Variants in STXBP5L observed in about 807,000 individuals in gnomAD.
STXBP5L encodes the protein syntaxin-binding protein 5-like.
Under a neutral mutation model 144.5 loss-of-function variants are expected in STXBP5L, and 65 were observed. That is an observed-to-expected ratio of 0.45 (90% CI 0.37 to 0.55). The LOEUF (loss-of-function observed/expected upper bound fraction) is 0.55. Among genes scored for constraint, STXBP5L ranks in the 20% least tolerant of loss-of-function variants. The pLI, the probability that STXBP5L is intolerant of heterozygous loss-of-function variation, is 0.00. For synonymous variants in STXBP5L, 505 were observed against 469.6 expected (o/e 1.08, Z -0.97); for missense variants, 1,298 against 1,405.5 (o/e 0.92, Z 1.22).
chr3:121,191,667 A>C (rs1577169014), intron 9 of STXBP5L, among the ~76,000 whole-genome samples: 1 of 152,134 alleles, frequency 6.6e-6, no homozygotes, highest in African/African-American at 2.4e-5. Flanking sequence ...GTGAGCATGG[A>C]ATGTTCTTCC....
chr3:121,291,785 A>T (rs188622205), intron 19 of STXBP5L, among the ~76,000 whole-genome samples: 1 of 152,228 alleles, frequency 6.6e-6, no homozygotes, highest in Non-Finnish European at 1.5e-5. Context: ...AACAAAGCGA[A>T]CAATAATATA....
At chr3:121,333,237 C>T (rs1235215477) in intron 20 of STXBP5L, among the ~76,000 whole-genome samples, 1 of 152,072 alleles carries the variant, frequency 6.6e-6, no homozygotes. Flanking sequence ...CACATCTCAA[C>T]AGTAATGTTA....
chr3:121,084,925 T>G (rs1196710302), intron 5 of STXBP5L, among the ~76,000 whole-genome samples: 2 of 152,200 alleles, frequency 1.3e-5, no homozygotes. Flanking sequence ...CATGAGATAG[T>G]ATCTCATTCT....
At chr3:120,928,691 A>G (rs1709768549) in intron 2 of STXBP5L, among the ~76,000 whole-genome samples, 1 of 150,378 alleles carries the variant, frequency 6.6e-6, no homozygotes, top group Non-Finnish European at 1.5e-5. Flanking sequence ...ATACAACACA[A>G]TGTGTTAAGA....
At chr3:121,108,788 G>A (rs938723872) in intron 5 of STXBP5L, among the ~76,000 whole-genome samples, 6 of 152,126 alleles carry the variant, frequency 3.9e-5, no homozygotes, top group Admixed American at 2.0e-4. Flanking sequence ...AGAATAAATG[G>A]TACCAGCTCC....
intron 2 of STXBP5L, among the ~76,000 whole-genome samples, chr3:120,925,824 G>C (rs1709594707): frequency 6.6e-6 from 1 of 152,066 alleles, no homozygotes; most frequent in South Asian, 2.1e-4. Flanking sequence ...ATTTTGCACT[G>C]TTATTGCCAT....
chr3:121,330,846 G>A (rs1577474705), intron 20 of STXBP5L, among the ~76,000 whole-genome samples: 1 of 152,148 alleles, frequency 6.6e-6, no homozygotes, highest in Non-Finnish European at 1.5e-5. Flanking sequence ...ACTACAGCTG[G>A]CATTTGAGAA....
At chr3:121,211,988 G>C (rs1325586808) in intron 10 of STXBP5L, among the ~76,000 whole-genome samples, 4 of 151,992 alleles carry the variant, frequency 2.6e-5, no homozygotes, top group African/African-American at 7.2e-5. Flanking sequence ...TTTTTTTCAT[G>C]TTTTTTGGCC....
At chr3:120,990,197 T>G (rs1383013354) in intron 3 of STXBP5L, among the ~76,000 whole-genome samples, 4 of 152,050 alleles carry the variant, frequency 2.6e-5, no homozygotes, top group Admixed American at 6.6e-5. Flanking sequence ...ATGAGTGAAC[T>G]CCCATTCACA....
chr3:121,056,808 T>G (rs1335959130), intron 5 of STXBP5L, among the ~76,000 whole-genome samples: 1 of 151,958 alleles, frequency 6.6e-6, no homozygotes, highest in East Asian at 1.9e-4. Context: ...ATATGTAACA[T>G]AATTTTCTTT....
intron 20 of STXBP5L, among the ~76,000 whole-genome samples, chr3:121,377,562 A>T: frequency 6.6e-6 from 1 of 152,308 alleles, no homozygotes; most frequent in Middle Eastern, 3.4e-3. Flanking sequence ...GCCAAAAAAC[A>T]TATGAAAAAA....
At chr3:121,055,750 G>A (rs1261511187) in intron 5 of STXBP5L, among the ~76,000 whole-genome samples, 1 of 151,948 alleles carries the variant, frequency 6.6e-6, no homozygotes, top group Non-Finnish European at 1.5e-5. Context: ...ACCTAAGCTG[G>A]AGTACAGTAG....
Position 121,407,319 on chromosome 3 carries a change from A to T in STXBP5L, c.2664A>T (p.Pro888=). The T allele has an allele frequency of 6.2e-7, 1 of 1,612,540 alleles. No homozygotes were observed. Among genetic ancestry groups the T allele is most frequent in the Non-Finnish European group, 8.5e-7 (1 of 1,179,148 alleles). ...GAATGGGTGGATTAATGCAACCGCC[A>T]TATGAAGTTTGGAGGGATCCAAACA... ...MDRMGGLMQP[P]YEVWRDPNNI... is the part of the protein sequence containing the mutation. Residue 888 remains proline (P), a synonymous_variant, in exon 23 of 27, where the codon CCA becomes CCT. Transcript: ENST00000471454.
chr3:120,961,197 G>T (rs1165262662), intron 3 of STXBP5L, among the ~76,000 whole-genome samples: 20 of 144,316 alleles, frequency 1.4e-4, no homozygotes, highest in Admixed American at 2.7e-4. Context: ...ATTTTATTTA[G>T]TTTTTTTTTT....
intron 3 of STXBP5L, among the ~76,000 whole-genome samples, chr3:120,971,894 A>G (rs947573948): frequency 7.9e-5 from 12 of 151,936 alleles, no homozygotes; most frequent in Non-Finnish European, 1.8e-4. Context: ...AGAAGTGTAT[A>G]TGACTGTTTT....
chr3:121,393,566 T>A (rs902502083), intron 22 of STXBP5L, among the ~76,000 whole-genome samples: 15 of 152,326 alleles, frequency 9.8e-5, no homozygotes, highest in Middle Eastern at 3.4e-3. Context: ...TAGTTTCAGG[T>A]CTTACATTTA....
intron 3 of STXBP5L, among the ~76,000 whole-genome samples, chr3:120,997,838 A>G (rs1180743297): frequency 3.9e-5 from 6 of 152,204 alleles, no homozygotes; most frequent in Admixed American, 3.9e-4. Flanking sequence ...AGCAAATGAA[A>G]TAGAAGCAAA....
chr3:121,016,758 G>A (rs1260279112), intron 3 of STXBP5L, among the ~76,000 whole-genome samples: 1 of 152,168 alleles, frequency 6.6e-6, no homozygotes, highest in South Asian at 2.1e-4. Flanking sequence ...AATCTGAATA[G>A]GCCTGTATCT....
chr3:121,139,179 G>A (rs1265015286), intron 7 of STXBP5L, among the ~76,000 whole-genome samples: 3 of 151,920 alleles, frequency 2.0e-5, no homozygotes, highest in African/African-American at 7.2e-5. Context: ...AGCACTATAG[G>A]TTGAATATGA....
Sources: allele counts gnomAD v4.1 joint callset (sites outside exome capture counted in the v4.1 genomes callset), GRCh38; gene constraint gnomAD v4.1.1; transcripts MANE v1.5; gene names NCBI Gene and HGNC (gene_info 2026-07-23, HGNC 2026-07-21).